XKR4: variants seen among roughly 807,000 people sequenced by gnomAD.
The protein encoded by XKR4 is XK related 4, also known as XK-related protein 4.
Under a neutral mutation model 53.9 loss-of-function variants are expected in XKR4, and 12 were observed. The observed-to-expected ratio is 0.22, with a 90% CI of 0.14 to 0.36. The LOEUF (loss-of-function observed/expected upper bound fraction) is 0.36. Among genes scored for constraint, XKR4 ranks in the 10% least tolerant of loss-of-function variants. XKR4 has a pLI of 1.00. For missense variants in XKR4, 799 were observed against 859.5 expected (o/e 0.93, Z 0.88); for synonymous variants, 354 against 362.4 (o/e 0.98, Z 0.26).
chr8:55,313,147 T>C (rs1265972286), intron 1 of XKR4, among the ~76,000 whole-genome samples: 1 of 152,216 alleles, frequency 6.6e-6, no homozygotes, highest in Non-Finnish European at 1.5e-5. Flanking sequence ...TTATTATGCA[T>C]TTCCCAGTCT....
intron 1 of XKR4, among the ~76,000 whole-genome samples, chr8:55,115,905 G>A (rs1005298126): frequency 6.6e-6 from 1 of 152,114 alleles, no homozygotes; most frequent in Admixed American, 6.6e-5. Context: ...ATGTCATTTG[G>A]GCTTTAGGAC....
chr8:55,433,946 T>G (rs1805137799), intron 2 of XKR4, among the ~76,000 whole-genome samples: 1 of 152,142 alleles, frequency 6.6e-6, no homozygotes, highest in Non-Finnish European at 1.5e-5. Flanking sequence ...GTGGAAGGAT[T>G]GCTTCATAGC....
chr8:55,350,850 C>T (rs1803714816), intron 1 of XKR4, among the ~76,000 whole-genome samples: 1 of 151,320 alleles, frequency 6.6e-6, no homozygotes, highest in South Asian at 2.1e-4. Flanking sequence ...AGTGATTCTC[C>T]TGCCTCAGCC....
Position 55,225,143 on chromosome 8 carries a change from C to T in XKR4, c.806+121849C>T, listed in dbSNP as rs79143114. On this transcript the variant is annotated intron_variant, in intron 1 of 2. Transcript: ENST00000327381. ...CTCACTTCGTATTTATGCAACATAA[C>T]GTCACACAGTATGACTATGCATAAT... 8.7e-3 allele frequency among the ~76,000 whole-genome samples: 1,319 copies of T among 152,278 alleles called. 14 individuals carry two copies. Among genetic ancestry groups the T allele is most frequent in the Middle Eastern group, 0.031 (9 of 294 alleles).
intron 1 of XKR4, among the ~76,000 whole-genome samples, chr8:55,283,635 G>C (rs1181905575): frequency 1.3e-5 from 2 of 152,170 alleles, no homozygotes; most frequent in Non-Finnish European, 2.9e-5. Flanking sequence ...ATCTTTTTCT[G>C]AAGCTGAAAA....
chr8:55,426,511 T>C (rs1275826873), intron 2 of XKR4, among the ~76,000 whole-genome samples: 4 of 152,210 alleles, frequency 2.6e-5, no homozygotes, highest in African/African-American at 9.6e-5. Context: ...TTTAATTATC[T>C]TTTTGCATTT....
chr8:55,272,749 CT>C (rs1818709711), intron 1 of XKR4, among the ~76,000 whole-genome samples: 1 of 152,184 alleles, frequency 6.6e-6, no homozygotes, highest in African/African-American at 2.4e-5. Context: ...TTAAAACTTG[CT>C]ACCAATGACA....
At chr8:55,351,338 T>C (rs148937172) in intron 1 of XKR4, among the ~76,000 whole-genome samples, 2 of 152,330 alleles carry the variant, frequency 1.3e-5, no homozygotes, top group African/African-American at 4.8e-5. Flanking sequence ...AACCTAATAC[T>C]GGTTGTTTTA....
At chr8:55,450,218 T>G in intron 2 of XKR4, 2 of 639,388 alleles carry the variant, frequency 3.1e-6, no homozygotes, top group Non-Finnish European at 5.6e-6. Context: ...CAGCACCTGC[T>G]CTGGGGAGCG....
chr8:55,139,512 C>CAAA (rs5891559), intron 1 of XKR4, among the ~76,000 whole-genome samples: 5 of 114,484 alleles, frequency 4.4e-5, no homozygotes, highest in Non-Finnish European at 3.4e-5. Flanking sequence ...GACTCCGTCT[C>CAAA]AAAAAAAAAA....
At chr8:55,195,791 A>C (rs935657094) in intron 1 of XKR4, among the ~76,000 whole-genome samples, 7 of 152,204 alleles carry the variant, frequency 4.6e-5, no homozygotes, top group Non-Finnish European at 1.0e-4. Context: ...GAAGACTGCT[A>C]TTTATGTTAG....
chr8:55,199,101 A>G (rs535852093), intron 1 of XKR4, among the ~76,000 whole-genome samples: 1 of 152,342 alleles, frequency 6.6e-6, no homozygotes, highest in East Asian at 1.9e-4. Flanking sequence ...GTATTTAGGA[A>G]GTTCTTACAT....
At chr8:55,311,590 C>T (rs1184477542) in intron 1 of XKR4, among the ~76,000 whole-genome samples, 1 of 151,978 alleles carries the variant, frequency 6.6e-6, no homozygotes, top group Non-Finnish European at 1.5e-5. Flanking sequence ...CAGTTTGTTA[C>T]AGACAAGTAT....
intron 2 of XKR4, among the ~76,000 whole-genome samples, chr8:55,428,524 G>A (rs757141740): frequency 6.6e-6 from 1 of 152,192 alleles, no homozygotes; most frequent in Non-Finnish European, 1.5e-5. Flanking sequence ...TTCCACCCTG[G>A]TCAGGCTATA....
At position 55,535,131 on chromosome 8, in the gene XKR4, A is replaced by C. The variant is rs1464341637; in HGVS notation, c.*10904A>C. On this transcript the variant is annotated 3_prime_UTR_variant, in exon 3 of 3. Transcript: ENST00000327381. The stretch of plus-strand genomic sequence containing the variant: ...AGTTATCAGCACTAGCATCACGGCG[A>C]GTCAGTTTTCAGAACTAGCTCTTGG... 6.6e-6 allele frequency: 1 copy of C among 152,204 alleles called. No homozygotes were observed. The highest frequency in any genetic ancestry group is 2.4e-5 in the African/African-American group (1 of 41,442). 9.4% of individuals were successfully genotyped at this position (152,204 alleles called of 1,614,324 possible).
At chr8:55,415,606 T>C (rs1445312590) in intron 2 of XKR4, among the ~76,000 whole-genome samples, 1 of 152,206 alleles carries the variant, frequency 6.6e-6, no homozygotes, top group Non-Finnish European at 1.5e-5. Context: ...CCTTTTGTAT[T>C]TGCAAACGAT....
chr8:55,316,682 A>G (rs1819481296), intron 1 of XKR4, among the ~76,000 whole-genome samples: 1 of 152,006 alleles, frequency 6.6e-6, no homozygotes, highest in Non-Finnish European at 1.5e-5. Flanking sequence ...ACATCCCTAG[A>G]TTGCAGCAAA....
At chr8:55,489,421 G>T (rs988098223) in intron 2 of XKR4, among the ~76,000 whole-genome samples, 1 of 152,022 alleles carries the variant, frequency 6.6e-6, no homozygotes, top group Admixed American at 6.5e-5. Flanking sequence ...GTATTTATCT[G>T]TTAAGAACAA....
chr8:55,116,401 C>G (rs1216066674), intron 1 of XKR4, among the ~76,000 whole-genome samples: 2 of 152,120 alleles, frequency 1.3e-5, no homozygotes, highest in African/African-American at 4.8e-5. Context: ...TGCACTTCCC[C>G]TCCTCACAGT....
Sources: gnomAD v4.1 joint callset for allele counts (sites outside exome capture counted in the v4.1 genomes callset) on GRCh38, gnomAD v4.1.1 for gene constraint, MANE v1.5 for transcripts, NCBI Gene and HGNC (gene_info 2026-07-23, HGNC 2026-07-21) for gene names.